The following INHBA variants were observed in gnomAD, a reference collection of about 807,000 sequenced individuals.
INHBA encodes the protein inhibin beta A chain.
A neutral mutation model predicts 29.0 loss-of-function variants in INHBA; 1 was observed. That is an observed-to-expected ratio of 0.03 (90% CI 0.01 to 0.16). The LOEUF is 0.16. Among genes scored for constraint, INHBA ranks in the 10% least tolerant of loss-of-function variants. The probability of loss-of-function intolerance (pLI) is 1.00; values close to 1 mark genes in which losing one functional copy is unlikely to be tolerated. For missense variants in INHBA, 376 were observed against 545.4 expected, an observed-to-expected ratio of 0.69 and a Z score of 3.09; for synonymous variants, 242 against 216.8, an observed-to-expected ratio of 1.12 and a Z score of -1.02.
At chr7:41,701,652 G>T (rs1003805049) in intron 1 of INHBA, among the ~76,000 whole-genome samples, 1 of 152,068 alleles carries the variant, frequency 6.6e-6, no homozygotes, top group Non-Finnish European at 1.5e-5. Context: ...ACCACCACTC[G>T]CCGGACTTCA....
chr7:41,699,695 C>T (rs1306316954), intron 2 of INHBA, among the ~76,000 whole-genome samples: 1 of 152,142 alleles, frequency 6.6e-6, no homozygotes, highest in East Asian at 1.9e-4. Context: ...GTCTGCCTTC[C>T]AGCTCAACAT....
Position 41,689,528 on chromosome 7 carries a change from T to TG in INHBA, c.*121_*122insC. 1 of 819,632 alleles carries TG rather than the reference T, an allele frequency of 1.2e-6. No individual in the cohort carries two copies. The highest frequency in any genetic ancestry group is 3.5e-5 in the South Asian group (1 of 28,186). The allele number at this position is 819,632 out of a possible 1,614,324, so 50.8% of individuals were successfully genotyped here. On this transcript the variant is annotated 3_prime_UTR_variant, in exon 3 of 3. Coordinates refer to ENST00000242208, the MANE Select transcript of INHBA (RefSeq NM_002192.4). ...ATTTACTTTTGTTTTTTTTTGTTTT[T>TG]TTTTTTGTTTTGTTTTTAATTTCTA...
intron 1 of INHBA, among the ~76,000 whole-genome samples, chr7:41,701,464 T>C (rs993765721): frequency 6.6e-6 from 1 of 152,140 alleles, no homozygotes; most frequent in Non-Finnish European, 1.5e-5. Flanking sequence ...GCAATGGAAC[T>C]TTTGTTTGGG....
In INHBA at chr7:41,700,318, C is replaced by T. The variant is rs1562570967; in HGVS notation, c.57G>A (p.Arg19=). 2.6e-6 allele frequency: 4 copies of T among 1,553,098 alleles called. No individual in the cohort carries two copies. Among genetic ancestry groups the T allele is most frequent in the Non-Finnish European group, 3.5e-6 (4 of 1,149,908 alleles). The part of the protein sequence containing the change: ...FLLASCWIIV[R]SSPTPGSEGH... ...CCTCGGATCCTGGGGTGGGGGAACT[C>T]CTCACTATAATCCAGCAACTTGCCA... Residue 19 remains arginine (R), a synonymous_variant, in exon 2 of 3, where the codon AGG becomes AGA. Coordinates refer to ENST00000242208, the MANE Select transcript of INHBA (RefSeq NM_002192.4).
rs1794463961 is a variant in INHBA at position 41,689,980 on chromosome 7, C to T, written c.951G>A (p.Lys317=). ...RRRRGLECDG[K]VNICCKKQFF... is the part of the protein sequence containing the mutation. ...ACTGTTTCTTACAGCAGATGTTGAC[C>T]TTGCCATCACACTCCAAGCCCCGCC... The change falls in exon 3 of 3, where the codon AAG becomes AAA. Residue 317 remains lysine, a synonymous_variant. Coordinates refer to ENST00000242208, the MANE Select transcript of INHBA (RefSeq NM_002192.4). 5 of 1,614,018 alleles carry T rather than the reference C, an allele frequency of 3.1e-6. No homozygotes were observed. In the Admixed American group the frequency reaches 8.3e-5, roughly 27 times the overall value.
chr7:41,692,332 T>C (rs553113845), intron 2 of INHBA: 1 of 152,320 alleles, frequency 6.6e-6, no homozygotes, highest in East Asian at 1.9e-4. Context: ...TGGATTTCTA[T>C]AGTTAACGGA....
intron 2 of INHBA, among the ~76,000 whole-genome samples, chr7:41,690,884 A>G (rs543492099): frequency 3.0e-4 from 46 of 152,288 alleles, no homozygotes; most frequent in Non-Finnish European, 1.5e-5. Context: ...ATAACCAAGG[A>G]CTGCGTAGCT....
chr7:41,701,294 G>C (rs1427969460), intron 1 of INHBA, among the ~76,000 whole-genome samples: 1 of 152,104 alleles, frequency 6.6e-6, no homozygotes, highest in African/African-American at 2.4e-5. Flanking sequence ...AGGGTGCAGG[G>C]AGGTCCAGTG....
chr7:41,688,463 C>T lies in INHBA; in HGVS notation c.*1187G>A, dbSNP rs1221935094. 6.6e-6 allele frequency: 1 copy of T among 152,084 alleles called. No individual in the cohort carries two copies. The highest frequency in any genetic ancestry group is 2.4e-5 in the African/African-American group (1 of 41,420). 9.4% of individuals were successfully genotyped at this position (152,084 alleles called of 1,614,324 possible). ...ACTCATTGATGGTGAATGATACCAA[C>T]CACAGACAGACTGTTTAAAGGCTCA... On this transcript the variant is annotated 3_prime_UTR_variant, in exon 3 of 3. Transcript: ENST00000242208.
At position 41,689,602 on chromosome 7, in the gene INHBA, G is replaced by C. The variant is rs1794456200; in HGVS notation, c.*48C>G. ...TTAAAAATTTCTTCATTTTGCCACT[G>C]TCTTCTCTGGACAACTCTTGCTCCC... On this transcript the variant is annotated 3_prime_UTR_variant, in exon 3 of 3. Transcript: ENST00000242208. 1 of 1,345,806 alleles carries C rather than the reference G, an allele frequency of 7.4e-7. No homozygotes were observed. The highest frequency in any genetic ancestry group is 1.5e-5 in the African/African-American group (1 of 65,422). The allele number at this position is 1,345,806 out of a possible 1,614,324, so 83.4% of individuals were successfully genotyped here.
chr7:41,690,064 G>A lies in INHBA; in HGVS notation c.867C>T (p.His289=), dbSNP rs781658319. The A allele has an allele frequency of 2.5e-6, 4 of 1,614,010 alleles. No individual in the cohort carries two copies. Among genetic ancestry groups the A allele is most frequent in the Non-Finnish European group, 3.4e-6 (4 of 1,180,026 alleles). The change falls in exon 3 of 3, where the codon CAC becomes CAT. Residue 289 remains histidine, a synonymous_variant. Coordinates refer to ENST00000242208, the MANE Select transcript of INHBA (RefSeq NM_002192.4). ...GGGCCTGCAGCATGAGGAAAGGTCT[G>A]TGCGACTGCTCCTTTTCCTCATCTG... ...AGADEEKEQS[H]RPFLMLQARQ... is the part of the protein sequence containing the mutation.
At position 41,700,469 on chromosome 7, in the gene INHBA, A is replaced by AT. The variant is rs111584790; in HGVS notation, c.-96dup. 118,346 of 891,652 alleles carry AT rather than the reference A, an allele frequency of 0.13. 1,705 individuals are homozygous for AT. Among genetic ancestry groups the AT allele is most frequent in the African/African-American group, 0.18 (9,811 of 54,844 alleles). 55.2% of individuals were successfully genotyped at this position (891,652 alleles called of 1,614,324 possible). ...TTTTTTTGTGTGTGTGGATTTTTTT[A>AT]TTTTTTTTTTTGGTGTTTTTTTTTT... On this transcript the variant is annotated 5_prime_UTR_variant, in exon 2 of 3. Coordinates refer to ENST00000242208, the MANE Select transcript of INHBA (RefSeq NM_002192.4).
Position 41,686,079 on chromosome 7 carries a change from T to C in INHBA, c.*3571A>G, listed in dbSNP as rs1367079372. ...CAATCCCACAATGGTGAAAAAAAAA[T>C]AGAAAGTATTTGTTCTACCTTTAAG... is the stretch of plus-strand genomic sequence containing the variant. On this transcript the variant is annotated 3_prime_UTR_variant, in exon 3 of 3. Transcript: ENST00000242208. The C allele has an allele frequency of 6.6e-6, 1 of 151,852 alleles. No homozygotes were observed. The highest frequency in any genetic ancestry group is 1.5e-5 in the Non-Finnish European group (1 of 67,936). 9.4% of individuals were successfully genotyped at this position (151,852 alleles called of 1,614,324 possible).
intron 1 of INHBA, among the ~76,000 whole-genome samples, chr7:41,701,310 G>A (rs933042818): frequency 1.3e-5 from 2 of 152,156 alleles, no homozygotes; most frequent in Non-Finnish European, 2.9e-5. Flanking sequence ...CAGTGGACAG[G>A]TAGTGGAGGT....
Position 41,690,327 on chromosome 7 carries a change from T to TC in INHBA, c.603dup (p.Ser202GlufsTer2). On this transcript the variant is annotated frameshift_variant, in exon 3 of 3. Coordinates refer to ENST00000242208, the MANE Select transcript of INHBA (RefSeq NM_002192.4). LOFTEE classifies it high-confidence loss of function. ...ACTTTTTCAGAGAGCAACAGTTCACTCCTCTCCCCCTTTAAGCCCACTTCC... is the reference window on the plus strand; with the variant it reads ...ACTTTTTCAGAGAGCAACAGTTCACTCCCTCTCCCCCTTTAAGCCCACTTCC... 1 of 1,614,084 alleles carries TC rather than the reference T, an allele frequency of 6.2e-7. No homozygotes were observed. Among genetic ancestry groups the TC allele is most frequent in the Non-Finnish European group, 8.5e-7 (1 of 1,180,008 alleles).
At position 41,688,981 on chromosome 7, in the gene INHBA, C is replaced by A. The variant is rs571419686; in HGVS notation, c.*669G>T. ...CTTTCATTCTTTCCATACTTGTTCT[C>A]AATTTTTTAATGTTGTTTGTTTTGT... is the stretch of plus-strand genomic sequence containing the variant. On this transcript the variant is annotated 3_prime_UTR_variant, in exon 3 of 3. Coordinates refer to ENST00000242208, the MANE Select transcript of INHBA (RefSeq NM_002192.4). The A allele has an allele frequency of 3.3e-4, 77 of 232,676 alleles. No individual in the cohort carries two copies. The highest frequency in any genetic ancestry group is 1.5e-3 in the African/African-American group (69 of 45,314). The allele number at this position is 232,676 out of a possible 1,614,324, so 14.4% of individuals were successfully genotyped here.
intron 1 of INHBA, among the ~76,000 whole-genome samples, chr7:41,701,193 AT>A (rs1299146383): frequency 6.6e-6 from 1 of 152,014 alleles, no homozygotes; most frequent in Non-Finnish European, 1.5e-5. Flanking sequence ...ATAGGGATGA[AT>A]TGATTGAAAA....
chr7:41,695,578 T>A (rs964561290), intron 2 of INHBA, among the ~76,000 whole-genome samples: 1 of 152,212 alleles, frequency 6.6e-6, no homozygotes, highest in African/African-American at 2.4e-5. Flanking sequence ...TCTTGATTAA[T>A]TTTTTAGCTT....
At chr7:41,692,918 T>A (rs1187480526) in intron 2 of INHBA, among the ~76,000 whole-genome samples, 1 of 152,194 alleles carries the variant, frequency 6.6e-6, no homozygotes, top group African/African-American at 2.4e-5. Flanking sequence ...CAGTTGATTT[T>A]AGGGTGGCAG....
Sources: gnomAD v4.1 joint callset for allele counts (sites outside exome capture counted in the v4.1 genomes callset) on GRCh38, gnomAD v4.1.1 for gene constraint, MANE v1.5 for transcripts, NCBI Gene and HGNC (gene_info 2026-07-23, HGNC 2026-07-21) for gene names.